BICC1: variants seen among roughly 807,000 people sequenced by gnomAD.
BICC1 encodes BicC family RNA binding protein 1, also known as protein bicaudal C homolog 1.
In BICC1, 43 loss-of-function variants were observed where a neutral mutation model predicts 111.0. The observed-to-expected ratio is 0.39, with a 90% CI of 0.30 to 0.50. The LOEUF (loss-of-function observed/expected upper bound fraction) is 0.50, where lower values mean the gene tolerates loss of function less well. Ranked by LOEUF, BICC1 falls within the 20% of genes least tolerant of loss-of-function variation. The pLI is 0.88. For synonymous variants in BICC1, 467 were observed against 434.4 expected (o/e 1.07, Z -0.93); for missense variants, 1,091 against 1,203.2 (o/e 0.91, Z 1.38).
At chr10:58,681,615 C>G (rs1839523323) in intron 2 of BICC1, among the ~76,000 whole-genome samples, 1 of 152,192 alleles carries the variant, frequency 6.6e-6, no homozygotes, top group Admixed American at 6.5e-5. Context: ...GGATCTAGAA[C>G]TAGAAATACC....
chr10:58,592,114 T>C (rs1035765100), intron 1 of BICC1, among the ~76,000 whole-genome samples: 1 of 152,248 alleles, frequency 6.6e-6, no homozygotes, highest in African/African-American at 2.4e-5. Flanking sequence ...CAAAGTTTAT[T>C]AGAGGAAAAA....
chr10:58,748,729 G>C (rs1841905395), intron 3 of BICC1, among the ~76,000 whole-genome samples: 1 of 152,040 alleles, frequency 6.6e-6, no homozygotes, highest in South Asian at 2.1e-4. Flanking sequence ...TCTCAAACTC[G>C]AATGTTCGTC....
chr10:58,795,651 T>A (rs1484709571), intron 9 of BICC1, among the ~76,000 whole-genome samples: 1 of 132,018 alleles, frequency 7.6e-6, no homozygotes, highest in African/African-American at 3.4e-5. Flanking sequence ...TCAGCCACAA[T>A]TTTTTTTTTT....
chr10:58,605,830 ACTCT>A (rs1845192849), intron 1 of BICC1, among the ~76,000 whole-genome samples: 1 of 152,068 alleles, frequency 6.6e-6, no homozygotes, highest in African/African-American at 2.4e-5. Flanking sequence ...TGGAGCGCTG[ACTCT>A]CTATCATCTA....
intron 2 of BICC1, among the ~76,000 whole-genome samples, chr10:58,630,317 G>A (rs189586186): frequency 1.1e-3 from 171 of 152,294 alleles, no homozygotes; most frequent in African/African-American, 3.7e-3. Flanking sequence ...ACCCATCCAC[G>A]GAGGGAAGCA....
At chr10:58,597,067 G>A (rs1243577795) in intron 1 of BICC1, among the ~76,000 whole-genome samples, 1 of 151,988 alleles carries the variant, frequency 6.6e-6, no homozygotes, top group Non-Finnish European at 1.5e-5. Flanking sequence ...AAACTATTGG[G>A]GGAACCCACC....
At chr10:58,625,856 G>A (rs1318994771) in intron 2 of BICC1, among the ~76,000 whole-genome samples, 1 of 152,078 alleles carries the variant, frequency 6.6e-6, no homozygotes, top group Non-Finnish European at 1.5e-5. Context: ...AGTTAATAAA[G>A]TTACTCTGGC....
chr10:58,820,675 C>T lies in BICC1; in HGVS notation c.2794+207C>T, dbSNP rs151311624. On this transcript the variant is annotated intron_variant, in intron 20 of 20. Transcript: ENST00000373886. ...GGCATTGCCTGAAAACCTGCCTTAACAAGGGTCATATATGAAAATAGATCT... is the reference window on the plus strand; with the variant it reads ...GGCATTGCCTGAAAACCTGCCTTAATAAGGGTCATATATGAAAATAGATCT... 1.4e-3 allele frequency among the ~76,000 whole-genome samples: 213 copies of T among 152,206 alleles called. 2 individuals carry two copies. The highest frequency in any genetic ancestry group is 4.7e-3 in the African/African-American group (196 of 41,542).
intron 1 of BICC1, among the ~76,000 whole-genome samples, chr10:58,607,104 G>T (rs1250518318): frequency 1.3e-5 from 2 of 152,082 alleles, no homozygotes; most frequent in East Asian, 1.9e-4. Flanking sequence ...ATCAGCTGCG[G>T]TTGGGAGTTT....
intron 1 of BICC1, among the ~76,000 whole-genome samples, chr10:58,595,144 C>T (rs1844770038): frequency 6.6e-6 from 1 of 152,162 alleles, no homozygotes; most frequent in Admixed American, 6.5e-5. Context: ...GTATAGGGAT[C>T]AATGCAGCAA....
chr10:58,619,518 AG>A (rs1390252036), intron 1 of BICC1, among the ~76,000 whole-genome samples: 10 of 145,762 alleles, frequency 6.9e-5, no homozygotes, highest in African/African-American at 2.5e-4. Flanking sequence ...CTCTGTCGCC[AG>A]GCTGGAGTGC....
intron 2 of BICC1, among the ~76,000 whole-genome samples, chr10:58,658,658 G>T (rs1007579778): frequency 3.9e-5 from 6 of 152,118 alleles, no homozygotes; most frequent in Non-Finnish European, 8.8e-5. Flanking sequence ...ATTTTATTCA[G>T]TGGATAAATA....
At chr10:58,645,986 T>G (rs1252618166) in intron 2 of BICC1, among the ~76,000 whole-genome samples, 2 of 152,158 alleles carry the variant, frequency 1.3e-5, no homozygotes, top group Non-Finnish European at 2.9e-5. Flanking sequence ...TAAATAACTT[T>G]GCTGGATGAA....
intron 2 of BICC1, among the ~76,000 whole-genome samples, chr10:58,682,090 T>A (rs1335174363): frequency 1.4e-5 from 2 of 148,108 alleles, no homozygotes; most frequent in African/African-American, 5.0e-5. Context: ...ATTGTTCAGT[T>A]CCCACCTGTG....
chr10:58,687,171 G>T (rs1370912029), intron 2 of BICC1, among the ~76,000 whole-genome samples: 1 of 152,232 alleles, frequency 6.6e-6, no homozygotes, highest in East Asian at 1.9e-4. Flanking sequence ...TATCACCAGC[G>T]GAGCTGCAGA....
chr10:58,524,782 G>A (rs1285817584), intron 1 of BICC1, among the ~76,000 whole-genome samples: 1 of 152,102 alleles, frequency 6.6e-6, no homozygotes. Flanking sequence ...GCAACCTACA[G>A]AATGGGAAAA....
chr10:58,693,821 C>T (rs1287172805), intron 2 of BICC1, among the ~76,000 whole-genome samples: 3 of 151,742 alleles, frequency 2.0e-5, no homozygotes, highest in African/African-American at 7.3e-5. Flanking sequence ...TGCCTGTTCA[C>T]TCTGATGGTA....
chr10:58,515,656 G>T (rs754441551), intron 1 of BICC1, among the ~76,000 whole-genome samples: 4 of 152,162 alleles, frequency 2.6e-5, no homozygotes, highest in Admixed American at 6.5e-5. Context: ...TGAGCACTGG[G>T]ATCACTAATA....
chr10:58,752,767 A>G (rs1050694206), intron 3 of BICC1, among the ~76,000 whole-genome samples: 8 of 152,184 alleles, frequency 5.3e-5, no homozygotes, highest in African/African-American at 1.9e-4. Context: ...TTACTTTACC[A>G]TGCACTTTCA....
Sources: allele counts gnomAD v4.1 joint callset (sites outside exome capture counted in the v4.1 genomes callset), GRCh38; gene constraint gnomAD v4.1.1; transcripts MANE v1.5; gene names NCBI Gene and HGNC (gene_info 2026-07-23, HGNC 2026-07-21).